GPI: variants seen among roughly 807,000 people sequenced by gnomAD.
GPI encodes the protein D-hexose-6-phosphate anomerase.
In GPI, 56 loss-of-function variants were observed where a neutral mutation model predicts 75.8. The ratio of observed to expected loss-of-function variants is 0.74; its 90% CI spans 0.60 to 0.92. GPI has a LOEUF of 0.92. GPI is among the 40% of genes least tolerant of loss of function. The pLI is 0.00. For missense variants in GPI, 638 were observed against 741.0 expected, an observed-to-expected ratio of 0.86 and a Z score of 1.61; for synonymous variants, 288 against 285.4, an observed-to-expected ratio of 1.01 and a Z score of -0.09.
chr19:34,379,511 C>A lies in GPI; in HGVS notation c.706-7C>A. On this transcript the variant is annotated splice_region_variant and splice_polypyrimidine_tract_variant and intron_variant, in intron 7 of 17. Coordinates refer to ENST00000356487, the MANE Select transcript of GPI (RefSeq NM_000175.5). The stretch of plus-strand genomic sequence containing the variant: ...TGGCTGTGGTAACTTGGCTCTGTCT[C>A]TTGTAGCCTTCTGCAGTGGCGAAGC... The A allele has an allele frequency of 6.2e-7, 1 of 1,613,972 alleles. No homozygotes were observed. Among genetic ancestry groups the A allele is most frequent in the South Asian group, 1.1e-5 (1 of 91,076 alleles).
At chr19:34,397,202 C>T (rs2074958905) in intron 14 of GPI, 1 of 167,516 alleles carries the variant, frequency 6.0e-6, no homozygotes, top group Non-Finnish European at 1.3e-5. Flanking sequence ...GTCATCAGGA[C>T]TGTGTTTCTT....
chr19:34,372,392 A>G (rs545125056), intron 4 of GPI, among the ~76,000 whole-genome samples: 83 of 152,374 alleles, frequency 5.4e-4, no homozygotes, highest in African/African-American at 1.9e-3. Flanking sequence ...CTGTAATCCC[A>G]GCACTTTGGG....
At chr19:34,396,557 G>A in intron 13 of GPI, 24 bp from the exon 14 acceptor site, 1 of 1,612,714 alleles carries the variant, frequency 6.2e-7, no homozygotes, top group Non-Finnish European at 8.5e-7. Flanking sequence ...GGGGTCATGT[G>A]GGTGACCACA....
chr19:34,378,866 G>A, intron 6 of GPI, 68 bp from the exon 7 acceptor site: 1 of 1,206,934 alleles, frequency 8.3e-7, no homozygotes, highest in Admixed American at 1.7e-5. Flanking sequence ...CTCTACTGCT[G>A]AACCCTGGCT....
Position 34,399,787 on chromosome 19 carries a change from TG to T in GPI, c.1541+3del, listed in dbSNP as rs976661924. On this transcript the variant is annotated splice_donor_region_variant and intron_variant, in intron 17 of 17. Coordinates refer to ENST00000356487, the MANE Select transcript of GPI (RefSeq NM_000175.5). ...CATCAACAGCTTTGACCAGTGGGGG[TG>T]AGTTGCTCACTTAGGGGAGGGCCGG... The T allele has an allele frequency of 1.9e-6, 3 of 1,613,390 alleles. No individual in the cohort carries two copies. The African/African-American group carries it at 4.0e-5, about 22-fold the overall frequency.
chr19:34,374,936 C>T (rs111966801), intron 4 of GPI, among the ~76,000 whole-genome samples: 2 of 151,566 alleles, frequency 1.3e-5, no homozygotes, highest in African/African-American at 4.8e-5. Context: ...CTATGTTGCC[C>T]AGGCTAGTTT....
intron 4 of GPI, among the ~76,000 whole-genome samples, chr19:34,374,990 T>G (rs1432620066): frequency 6.6e-6 from 1 of 152,046 alleles, no homozygotes; most frequent in East Asian, 1.9e-4. Flanking sequence ...AGTTTCCCAG[T>G]AAGTGCTGGG....
chr19:34,379,294 G>A (rs2074603622), intron 7 of GPI, among the ~76,000 whole-genome samples: 1 of 152,180 alleles, frequency 6.6e-6, no homozygotes, highest in Non-Finnish European at 1.5e-5. Context: ...TTATAGGGGA[G>A]GGACGTCCCT....
At chr19:34,366,711 C>T in intron 2 of GPI, 72 bp from the exon 3 acceptor site, 2 of 1,045,172 alleles carry the variant, frequency 1.9e-6, no homozygotes, top group Non-Finnish European at 3.0e-6. Flanking sequence ...AGCACCAAGC[C>T]TTGTGTTTGG....
intron 4 of GPI, among the ~76,000 whole-genome samples, chr19:34,376,476 G>A (rs1247199805): frequency 6.6e-6 from 1 of 151,192 alleles, no homozygotes; most frequent in African/African-American, 2.4e-5. Context: ...AGAATTGCTT[G>A]AACCCTGGAG....
rs2074571028 is a variant in GPI, at chr19:34,377,767, A to G, written c.519A>G (p.Pro173=). ...GPLMVTEALK[P]YSSGGPRVWY... ...TCATGGTGACTGAAGCCCTTAAGCC[A>G]TACTCTTCAGGAGGTCCCCGCGTCT... is the stretch of plus-strand genomic sequence containing the variant. Residue 173 remains proline, a synonymous_variant, in exon 6 of 18, where the codon CCA becomes CCG. Transcript: ENST00000356487. 3 of 1,613,920 alleles carry G rather than the reference A, an allele frequency of 1.9e-6. No individual in the cohort carries two copies. Among genetic ancestry groups the G allele is most frequent in the African/African-American group, 2.7e-5 (2 of 74,998 alleles).
rs754577336 is a variant in GPI at position 34,381,508 on chromosome 19, G to C, written c.793G>C (p.Glu265Gln). Reference sequence around the variant, plus strand: ...TGGAATTGACCCTCAAAACATGTTCGAGTTCTGGGATGTAAGTACAAGCAC... The same window carrying C: ...TGGAATTGACCCTCAAAACATGTTCCAGTTCTGGGATGTAAGTACAAGCAC... ...EFGIDPQNMF[E>Q]FWDWVGGRYS... is the part of the protein sequence containing the mutation. Residue 265 changes from glutamate to glutamine, a missense_variant, in exon 9 of 18, where the codon GAG (glutamate) becomes CAG (glutamine). Coordinates refer to ENST00000356487, the MANE Select transcript of GPI (RefSeq NM_000175.5). The C allele has an allele frequency of 1.2e-6, 2 of 1,606,080 alleles. No individual in the cohort carries two copies. Among genetic ancestry groups the C allele is most frequent in the Non-Finnish European group, 1.7e-6 (2 of 1,172,946 alleles).
upstream of GPI, chr19:34,364,958 G>T (rs1408233782): frequency 2.0e-6 from 3 of 1,526,888 alleles, no homozygotes; most frequent in Non-Finnish European, 2.6e-6. Flanking sequence ...TGATCCCCGG[G>T]CTCTGCCCAC....
chr19:34,388,795 T>C (rs1178464273), intron 9 of GPI, among the ~76,000 whole-genome samples: 1 of 152,102 alleles, frequency 6.6e-6, no homozygotes, highest in East Asian at 1.9e-4. Context: ...TGCTGAAGTT[T>C]AGTTTCTAGA....
intron 9 of GPI, among the ~76,000 whole-genome samples, chr19:34,384,171 G>A (rs902694937): frequency 1.3e-5 from 2 of 152,140 alleles, no homozygotes; most frequent in African/African-American, 4.8e-5. Context: ...CTGTGTCCTT[G>A]GGCGATGTCT....
upstream of GPI, chr19:34,364,891 C>T: frequency 1.5e-6 from 2 of 1,306,364 alleles, no homozygotes; most frequent in East Asian, 2.6e-5. Context: ...GACTAGTGCA[C>T]AGGGAGTGCA....
At chr19:34,378,378 T>G (rs566137412) in intron 6 of GPI, among the ~76,000 whole-genome samples, 4 of 152,002 alleles carry the variant, frequency 2.6e-5, no homozygotes, top group Admixed American at 2.6e-4. Flanking sequence ...TTTATTTATT[T>G]ATTATTATTA....
intron 8 of GPI, chr19:34,379,990 GTTTTTT>G (rs953154032): frequency 9.9e-6 from 1 of 101,264 alleles, no homozygotes; most frequent in South Asian, 2.5e-4. Context: ...GTGTGGTTTT[GTTTTTT>G]TTTTTTTTTT....
chr19:34,382,181 G>A (rs2074664729), intron 9 of GPI, among the ~76,000 whole-genome samples: 2 of 152,184 alleles, frequency 1.3e-5, no homozygotes. Flanking sequence ...TGCAGGGTGT[G>A]ATGCAGGCAC....
Sources: gnomAD v4.1 joint callset for allele counts (sites outside exome capture counted in the v4.1 genomes callset) on GRCh38, gnomAD v4.1.1 for gene constraint, MANE v1.5 for transcripts, NCBI Gene and HGNC (gene_info 2026-07-23, HGNC 2026-07-21) for gene names.